Variants in LRRTM4 observed in about 807,000 individuals in gnomAD.
The protein encoded by LRRTM4 is leucine-rich repeat transmembrane neuronal protein 4.
A neutral mutation model predicts 47.6 loss-of-function variants in LRRTM4; 25 were observed. The ratio of observed to expected loss-of-function variants is 0.53; its 90% CI spans 0.38 to 0.73. The LOEUF is 0.73. Among genes scored for constraint, LRRTM4 ranks in the 30% least tolerant of loss-of-function variants. LRRTM4 has a pLI of 0.00. For synonymous variants in LRRTM4, 311 were observed against 269.5 expected, an observed-to-expected ratio of 1.15 and a Z score of -1.51; for missense variants, 638 against 713.4, an observed-to-expected ratio of 0.89 and a Z score of 1.20.
intron 3 of LRRTM4, among the ~76,000 whole-genome samples, chr2:77,248,254 ATATGTGTGTATG>A: frequency 6.6e-6 from 1 of 151,928 alleles, no homozygotes. Context: ...TATGTTTTTA[ATATGTGTGTATG>A]TATATTCAGT....
intron 3 of LRRTM4, among the ~76,000 whole-genome samples, chr2:77,062,275 G>A (rs1405712750): frequency 1.3e-5 from 2 of 152,100 alleles, no homozygotes; most frequent in Admixed American, 6.6e-5. Flanking sequence ...ATTATTTGCA[G>A]TTTATTTTAG....
intron 3 of LRRTM4, among the ~76,000 whole-genome samples, chr2:77,254,063 A>G (rs1222503136): frequency 6.6e-6 from 1 of 152,100 alleles, no homozygotes; most frequent in East Asian, 1.9e-4. Context: ...TACATCATAC[A>G]TACATATACA....
Position 76,873,506 on chromosome 2 carries a change from GTATA to G in LRRTM4, c.1552-124594_1552-124591del, listed in dbSNP as rs58469429. ...TATGTGTGTGTGTATATATATGTGT[GTATA>G]TATATATATATATATATATATATAC... On this transcript the variant is annotated intron_variant, in intron 3 of 3. Transcript: ENST00000409884. Among the ~76,000 whole-genome samples the G allele has an allele frequency of 1.1e-3, 129 of 112,292 alleles. 2 individuals carry two copies. The highest frequency in any genetic ancestry group is 2.8e-3 in the African/African-American group (85 of 30,812). The allele number at this position is 112,292 out of a possible 152,430, so 73.7% of individuals were successfully genotyped here.
At chr2:77,453,629 G>A (rs1036590812) in intron 3 of LRRTM4, among the ~76,000 whole-genome samples, 1 of 151,862 alleles carries the variant, frequency 6.6e-6, no homozygotes, top group Non-Finnish European at 1.5e-5. Flanking sequence ...CTTGAATTCT[G>A]CTTTTCTTGA....
At chr2:76,839,734 C>G (rs1440797158) in intron 3 of LRRTM4, among the ~76,000 whole-genome samples, 1 of 151,804 alleles carries the variant, frequency 6.6e-6, no homozygotes, top group East Asian at 1.9e-4. Flanking sequence ...ATTTCCTTAT[C>G]AAATAATAGT....
intron 3 of LRRTM4, among the ~76,000 whole-genome samples, chr2:76,902,979 G>T (rs1387874405): frequency 6.6e-6 from 1 of 152,048 alleles, no homozygotes; most frequent in Non-Finnish European, 1.5e-5. Context: ...GTGGGTCAAG[G>T]TTAATGTAAT....
chr2:76,873,679 G>A (rs1211863147), intron 3 of LRRTM4, among the ~76,000 whole-genome samples: 1 of 151,392 alleles, frequency 6.6e-6, no homozygotes, highest in Non-Finnish European at 1.5e-5. Context: ...CCTGACATGT[G>A]TGAGATGTGC....
intron 3 of LRRTM4, among the ~76,000 whole-genome samples, chr2:76,980,901 A>C (rs79982567): frequency 0.011 from 1,741 of 152,182 alleles, 45 homozygotes; most frequent in African/African-American, 0.04. Flanking sequence ...TGAAAATTGG[A>C]GGATTACATC....
rs762981725 is a variant in LRRTM4 at position 76,801,925 on chromosome 2, T to C, written c.1552-53009A>G. Among the ~76,000 whole-genome samples the C allele has an allele frequency of 9.4e-4, 143 of 152,230 alleles. 1 individual carries two copies. The highest frequency in any genetic ancestry group is 1.7e-3 in the Non-Finnish European group (114 of 68,004). On this transcript the variant is annotated intron_variant, in intron 3 of 3. Coordinates refer to ENST00000409884, the MANE Select transcript of LRRTM4 (RefSeq NM_001134745.3). ...TGCATTGGACAAAATTCAACATCTT[T>C]TCATGGTAAAGACTCTTGAGAAATT...
intron 3 of LRRTM4, among the ~76,000 whole-genome samples, chr2:77,309,939 T>A (rs1000497520): frequency 1.3e-5 from 2 of 152,168 alleles, no homozygotes; most frequent in Non-Finnish European, 2.9e-5. Flanking sequence ...CCATTTTTTT[T>A]AACTATTGTC....
chr2:77,374,891 T>TC (rs2103778160), intron 3 of LRRTM4, among the ~76,000 whole-genome samples: 1 of 151,852 alleles, frequency 6.6e-6, no homozygotes, highest in Non-Finnish European at 1.5e-5. Context: ...AATTTTTTTT[T>TC]CTCTGTGAAT....
At chr2:77,071,856 A>G (rs369818077) in intron 3 of LRRTM4, among the ~76,000 whole-genome samples, 3 of 152,296 alleles carry the variant, frequency 2.0e-5, no homozygotes, top group Admixed American at 1.3e-4. Flanking sequence ...TTTGTGAAGG[A>G]AAGTTGAGGA....
intron 3 of LRRTM4, among the ~76,000 whole-genome samples, chr2:77,270,709 T>C (rs1374011095): frequency 6.6e-6 from 1 of 152,134 alleles, no homozygotes; most frequent in Non-Finnish European, 1.5e-5. Flanking sequence ...CTCTGGTAAA[T>C]TCCCATCTCC....
At chr2:76,893,326 G>A (rs1367067652) in intron 3 of LRRTM4, among the ~76,000 whole-genome samples, 9 of 151,390 alleles carry the variant, frequency 5.9e-5, no homozygotes, top group Admixed American at 5.9e-4. Flanking sequence ...CCAAGAAAGG[G>A]GTGTTTTGTA....
At chr2:76,804,695 G>T in intron 3 of LRRTM4, among the ~76,000 whole-genome samples, 1 of 146,742 alleles carries the variant, frequency 6.8e-6, no homozygotes, top group South Asian at 2.1e-4. Flanking sequence ...ACATATATTT[G>T]ATATACATTG....
At position 77,428,468 on chromosome 2, in the gene LRRTM4, C is replaced by A. The variant is rs963335878; in HGVS notation, c.1551+89850G>T. ...TTTCACTTTGGCCTGGCAAAACTTT[C>A]ATCAGGAGACTGGCCCTGTTCCATA... On this transcript the variant is annotated intron_variant, in intron 3 of 3. Coordinates refer to ENST00000409884, the MANE Select transcript of LRRTM4 (RefSeq NM_001134745.3). Among the ~76,000 whole-genome samples the A allele has an allele frequency of 4.6e-5, 7 of 152,312 alleles. 1 individual carries two copies. In the South Asian group the frequency reaches 1.4e-3, roughly 32 times the overall value.
intron 3 of LRRTM4, among the ~76,000 whole-genome samples, chr2:77,140,728 T>A (rs2103759965): frequency 6.6e-6 from 1 of 152,306 alleles, no homozygotes; most frequent in African/African-American, 2.4e-5. Flanking sequence ...GCTACTTCTC[T>A]GACAAAGGGC....
intron 3 of LRRTM4, among the ~76,000 whole-genome samples, chr2:76,940,854 C>G (rs187668037): frequency 3.3e-5 from 5 of 149,934 alleles, no homozygotes; most frequent in African/African-American, 1.3e-4. Context: ...AAAAATCACT[C>G]TCTCAGGATT....
At chr2:77,355,336 T>C (rs1436150567) in intron 3 of LRRTM4, among the ~76,000 whole-genome samples, 2 of 152,092 alleles carry the variant, frequency 1.3e-5, no homozygotes, top group African/African-American at 4.8e-5. Flanking sequence ...AATTGGACAA[T>C]AGAGAGTAAA....
Sources: allele counts gnomAD v4.1 joint callset (sites outside exome capture counted in the v4.1 genomes callset), GRCh38; gene constraint gnomAD v4.1.1; transcripts MANE v1.5; gene names NCBI Gene and HGNC (gene_info 2026-07-23, HGNC 2026-07-21).